The following IL1RAP variants were observed in gnomAD, a reference collection of about 807,000 sequenced individuals.
IL1RAP encodes the protein interleukin-1 receptor accessory protein.
A neutral mutation model predicts 60.7 loss-of-function variants in IL1RAP; 35 were observed. The observed-to-expected ratio is 0.58, with a 90% CI of 0.44 to 0.76. The LOEUF is 0.76. Among genes scored for constraint, IL1RAP ranks in the 30% least tolerant of loss-of-function variants. The probability of loss-of-function intolerance (pLI) is 0.00; values close to 1 mark genes in which losing one functional copy is unlikely to be tolerated. For missense variants in IL1RAP, 572 were observed against 693.9 expected, an observed-to-expected ratio of 0.82 and a Z score of 1.97; for synonymous variants, 268 against 250.9, an observed-to-expected ratio of 1.07 and a Z score of -0.64.
At chr3:190,632,723 G>C (rs972109512) in intron 9 of IL1RAP, among the ~76,000 whole-genome samples, 1 of 152,108 alleles carries the variant, frequency 6.6e-6, no homozygotes, top group Non-Finnish European at 1.5e-5. Context: ...CTGGAAGACT[G>C]GTAGATTTTT....
At chr3:190,654,477 A>G (rs1473891465), downstream of IL1RAP, among the ~76,000 whole-genome samples, 1 of 152,234 alleles carries the variant, frequency 6.6e-6, no homozygotes, top group Non-Finnish European at 1.5e-5. Flanking sequence ...TTATCTCTTA[A>G]GAATGAATGA....
Position 190,648,890 on chromosome 3 carries a change from A to G in IL1RAP, c.*185A>G. The G allele has an allele frequency of 7.2e-7, 1 of 1,390,348 alleles. No individual in the cohort carries two copies. The allele number at this position is 1,390,348 out of a possible 1,614,324, so 86.1% of individuals were successfully genotyped here. Reference sequence around the variant, plus strand: ...CCTCAGGCAACACTAAAGTTTAGAAAGATATCATCAACGTTCTGTCACCAG... The same window carrying G: ...CCTCAGGCAACACTAAAGTTTAGAAGGATATCATCAACGTTCTGTCACCAG... On this transcript the variant is annotated 3_prime_UTR_variant, in exon 12 of 12. Transcript: ENST00000447382.
At chr3:190,637,287 T>C (rs1483854875) in intron 9 of IL1RAP, among the ~76,000 whole-genome samples, 3 of 152,214 alleles carry the variant, frequency 2.0e-5, no homozygotes, top group African/African-American at 7.2e-5. Context: ...CTGGTACATC[T>C]GCTGGTGACA....
intron 3 of IL1RAP, among the ~76,000 whole-genome samples, chr3:190,577,972 G>A (rs569447698): frequency 6.6e-6 from 1 of 152,226 alleles, no homozygotes; most frequent in African/African-American, 2.4e-5. Context: ...GCCTCCAACT[G>A]CATCGGTGTT....
intron 3 of IL1RAP, among the ~76,000 whole-genome samples, chr3:190,600,730 T>C (rs1345480732): frequency 6.6e-6 from 1 of 152,186 alleles, no homozygotes; most frequent in African/African-American, 2.4e-5. Flanking sequence ...TGTACAATCT[T>C]ATACTCGGAG....
At position 190,564,294 on chromosome 3, in the gene IL1RAP, C is replaced by A; in HGVS notation, c.5C>A (p.Thr2Lys). 2 of 1,606,140 alleles carry A rather than the reference C, an allele frequency of 1.2e-6. No homozygotes were observed. The highest frequency in any genetic ancestry group is 1.7e-6 in the Non-Finnish European group (2 of 1,172,960). Residue 2 changes from threonine to lysine, a missense_variant, in exon 3 of 12, where the codon ACA becomes AAA. By Grantham distance (78) the Thr-to-Lys change is moderately conservative (BLOSUM62 -1). Transcript: ENST00000447382. MTLLWCVVSLYF... is the reference protein window; with the variant it reads MKLLWCVVSLYF... ...CTTTGTATTTATGGTTACAGGATGA[C>A]ACTTCTGTGGTGTGTAGTGAGTCTC... is the stretch of plus-strand genomic sequence containing the variant.
chr3:190,601,481 A>C (rs1729854269), intron 3 of IL1RAP, among the ~76,000 whole-genome samples: 2 of 152,198 alleles, frequency 1.3e-5, no homozygotes, highest in Non-Finnish European at 2.9e-5. Flanking sequence ...ACAAATAGTC[A>C]TTTGTTGAGT....
intron 3 of IL1RAP, among the ~76,000 whole-genome samples, chr3:190,600,624 A>G (rs1729771224): frequency 6.6e-6 from 1 of 152,216 alleles, no homozygotes; most frequent in African/African-American, 2.4e-5. Flanking sequence ...AATTTTGTAA[A>G]ATATACCCCA....
At chr3:190,595,779 A>C (rs927882556) in intron 3 of IL1RAP, among the ~76,000 whole-genome samples, 4 of 152,224 alleles carry the variant, frequency 2.6e-5, no homozygotes, top group Non-Finnish European at 5.9e-5. Context: ...TAATAGAATT[A>C]ATATAAAATG....
intron 9 of IL1RAP, among the ~76,000 whole-genome samples, chr3:190,643,236 T>G (rs908007585): frequency 6.6e-6 from 1 of 152,194 alleles, no homozygotes; most frequent in Non-Finnish European, 1.5e-5. Flanking sequence ...TCAATAAAAA[T>G]TTTATTCTAT....
chr3:190,522,749 T>C (rs944392366), intron 1 of IL1RAP, among the ~76,000 whole-genome samples: 1 of 152,164 alleles, frequency 6.6e-6, no homozygotes, highest in African/African-American at 2.4e-5. Context: ...GAATCTTTCA[T>C]GTGTAGGAGG....
intron 8 of IL1RAP, among the ~76,000 whole-genome samples, 184 bp from the exon 9 acceptor site, chr3:190,629,166 G>A (rs1259354108): frequency 6.6e-6 from 1 of 152,228 alleles, no homozygotes; most frequent in East Asian, 1.9e-4. Flanking sequence ...AGATGGTATA[G>A]TATAGTGTTA....
intron 3 of IL1RAP, among the ~76,000 whole-genome samples, chr3:190,571,544 A>T (rs190456300): frequency 6.6e-6 from 1 of 152,150 alleles, no homozygotes; most frequent in Non-Finnish European, 1.5e-5. Flanking sequence ...GTACAACTAT[A>T]GTTGAAATAT....
intron 3 of IL1RAP, among the ~76,000 whole-genome samples, chr3:190,577,088 G>C (rs955067969): frequency 8.5e-5 from 11 of 128,828 alleles, no homozygotes; most frequent in Admixed American, 4.2e-4. Context: ...GCGACAGAGC[G>C]AGACTCCGTC....
intron 5 of IL1RAP, among the ~76,000 whole-genome samples, chr3:190,614,775 T>C (rs2108778281): frequency 1.3e-5 from 2 of 152,284 alleles, no homozygotes; most frequent in East Asian, 3.9e-4. Flanking sequence ...TCTGTGTGAT[T>C]ACAAAAACTC....
At chr3:190,594,541 G>T (rs1229584202) in intron 3 of IL1RAP, among the ~76,000 whole-genome samples, 3 of 152,152 alleles carry the variant, frequency 2.0e-5, no homozygotes, top group Non-Finnish European at 4.4e-5. Context: ...GAAGATTTCT[G>T]GGATCTACCA....
intron 9 of IL1RAP, among the ~76,000 whole-genome samples, chr3:190,643,489 C>T (rs1733802778): frequency 6.6e-6 from 1 of 152,032 alleles, no homozygotes; most frequent in Non-Finnish European, 1.5e-5. Flanking sequence ...AATTACCTCA[C>T]TCTATTTCTG....
intron 3 of IL1RAP, among the ~76,000 whole-genome samples, chr3:190,598,150 T>C (rs1455295638): frequency 6.6e-6 from 1 of 152,246 alleles, no homozygotes; most frequent in Admixed American, 6.5e-5. Context: ...GTCTTTCGTC[T>C]ACCATCATCT....
intron 1 of IL1RAP, among the ~76,000 whole-genome samples, chr3:190,541,459 G>A (rs908529065): frequency 6.6e-6 from 1 of 152,056 alleles, no homozygotes; most frequent in African/African-American, 2.4e-5. Context: ...CAGAAGATAG[G>A]TCCTATTTCA....
Sources: gnomAD v4.1 joint callset for allele counts (sites outside exome capture counted in the v4.1 genomes callset) on GRCh38, gnomAD v4.1.1 for gene constraint, MANE v1.5 for transcripts, NCBI Gene and HGNC (gene_info 2026-07-23, HGNC 2026-07-21) for gene names.